The following ENPP1 variants were observed in gnomAD, a reference collection of about 807,000 sequenced individuals.
The protein encoded by ENPP1 is ectonucleotide pyrophosphatase/phosphodiesterase family member 1.
Under a neutral mutation model 122.8 loss-of-function variants are expected in ENPP1, and 73 were observed. The ratio of observed to expected loss-of-function variants is 0.59; its 90% confidence interval spans 0.49 to 0.72. The LOEUF (loss-of-function observed/expected upper bound fraction) is 0.72, where lower values mean the gene tolerates loss of function less well. ENPP1 is among the 30% of genes least tolerant of loss of function. The pLI is 0.00. For synonymous variants in ENPP1, 367 were observed against 391.6 expected (o/e 0.94, Z 0.74); for missense variants, 978 against 1,128.1 (o/e 0.87, Z 1.91).
chr6:131,837,042 C>T (rs71572985), intron 1 of ENPP1, among the ~76,000 whole-genome samples: 1 of 151,986 alleles, frequency 6.6e-6, no homozygotes, highest in African/African-American at 2.4e-5. Flanking sequence ...TAGGGTTCCC[C>T]TCTGTTATGT....
At chr6:131,842,983 AAC>A (rs1781761002) in intron 1 of ENPP1, among the ~76,000 whole-genome samples, 2 of 152,170 alleles carry the variant, frequency 1.3e-5, no homozygotes, top group Admixed American at 1.3e-4. Flanking sequence ...ATATTCCAAA[AAC>A]TTTGCTTTTA....
intron 13 of ENPP1, 84 bp from the exon 14 acceptor site, chr6:131,871,980 AGAGTTT>A (rs1270177993): frequency 1.0e-6 from 1 of 974,798 alleles, no homozygotes; most frequent in Non-Finnish European, 1.6e-6. Flanking sequence ...ATTTAAATGC[AGAGTTT>A]GGATCTGACA....
At chr6:131,835,646 T>A (rs1345361457) in intron 1 of ENPP1, among the ~76,000 whole-genome samples, 1 of 152,074 alleles carries the variant, frequency 6.6e-6, no homozygotes, top group Non-Finnish European at 1.5e-5. Context: ...GCCATGGTGG[T>A]TTCCCGTACA....
At chr6:131,882,193 AAGATGAATATACT>A in intron 20 of ENPP1, 139 bp from the exon 21 acceptor site, 1 of 580,738 alleles carries the variant, frequency 1.7e-6, no homozygotes, top group Non-Finnish European at 3.1e-6. Context: ...GTTAGAAAAA[AAGATGAATATACT>A]AGTAGGAAAA....
At chr6:131,824,381 G>T (rs755336961) in intron 1 of ENPP1, among the ~76,000 whole-genome samples, 1 of 152,080 alleles carries the variant, frequency 6.6e-6, no homozygotes, top group Non-Finnish European at 1.5e-5. Flanking sequence ...GGTGTGCAGC[G>T]CTGAGTGGAG....
In ENPP1 at chr6:131,890,440, CAAAGA is replaced by C. The variant is rs762731863; in HGVS notation, c.2713_2717del (p.Lys905AlafsTer16). 8.3e-5 allele frequency: 134 copies of C among 1,613,554 alleles called. No homozygotes were observed. The highest frequency in any genetic ancestry group is 1.3e-5 in the African/African-American group (1 of 74,920). Reference sequence around the variant, plus strand: ...CATCACTGGACTCAGCTTCTATCAACAAAGAAAAGAGCCAGTTTCAGACATTTTAA... The same window carrying C: ...CATCACTGGACTCAGCTTCTATCAACAAAGAGCCAGTTTCAGACATTTTAA... On this transcript the variant is annotated frameshift_variant, in exon 25 of 25. Coordinates refer to ENST00000647893, the MANE Select transcript of ENPP1 (RefSeq NM_006208.3). LOFTEE classifies it high-confidence loss of function.
intron 1 of ENPP1, among the ~76,000 whole-genome samples, chr6:131,844,463 TAGTC>T: frequency 6.6e-6 from 1 of 152,102 alleles, no homozygotes; most frequent in Admixed American, 6.5e-5. Context: ...AGGCATCTTT[TAGTC>T]AGTTCATGCA....
intron 17 of ENPP1, among the ~76,000 whole-genome samples, chr6:131,876,507 A>G (rs1782231967): frequency 6.6e-6 from 1 of 152,236 alleles, no homozygotes; most frequent in Admixed American, 6.5e-5. Flanking sequence ...GCTGGCATAT[A>G]GTAAGTGCTT....
At chr6:131,862,062 A>C (rs1312258541) in intron 9 of ENPP1, among the ~76,000 whole-genome samples, 1 of 151,984 alleles carries the variant, frequency 6.6e-6, no homozygotes, top group African/African-American at 2.4e-5. Flanking sequence ...CCAGCTACTC[A>C]CAAGGCTGAG....
intron 1 of ENPP1, chr6:131,826,422 G>T: frequency 2.2e-6 from 2 of 916,090 alleles, no homozygotes; most frequent in Non-Finnish European, 3.6e-6. Context: ...GCTGCTCTAG[G>T]TTAGATAATG....
intron 9 of ENPP1, among the ~76,000 whole-genome samples, chr6:131,863,445 C>A (rs1241364293): frequency 6.6e-6 from 1 of 152,098 alleles, no homozygotes; most frequent in Non-Finnish European, 1.5e-5. Flanking sequence ...AAAATCAATA[C>A]AACAATGCAT....
At chr6:131,831,893 A>G (rs1781618764) in intron 1 of ENPP1, among the ~76,000 whole-genome samples, 1 of 152,172 alleles carries the variant, frequency 6.6e-6, no homozygotes, top group Admixed American at 6.5e-5. Context: ...ATGGTGGAGT[A>G]TCTGCATAAA....
chr6:131,877,867 ATATATATATATAT>A (rs1487130322), intron 18 of ENPP1: 9 of 30,668 alleles, frequency 2.9e-4, no homozygotes, highest in Admixed American at 5.4e-4. Flanking sequence ...AAAAAAAAAA[ATATATATATATAT>A]ATATATATAT....
rs771384565 is a variant in ENPP1, at chr6:131,854,922, C to G, written c.618-4C>G. 1 of 1,605,966 alleles carries G rather than the reference C, an allele frequency of 6.2e-7. No homozygotes were observed. The highest frequency in any genetic ancestry group is 1.7e-5 in the Admixed American group (1 of 59,928). ...AACATTTTTTTTTCTTTTTCATTAC[C>G]CAGGTTTGAAACGCCTCCTACCCTC... On this transcript the variant is annotated splice_polypyrimidine_tract_variant and splice_region_variant and intron_variant, in intron 5 of 24. Coordinates refer to ENST00000647893, the MANE Select transcript of ENPP1 (RefSeq NM_006208.3).
rs191093164 is a variant in ENPP1, at chr6:131,837,593, C to A, written c.241-10183C>A. 4.6e-3 allele frequency among the ~76,000 whole-genome samples: 705 copies of A among 151,638 alleles called. 1 individual carries two copies. Among genetic ancestry groups the A allele is most frequent in the Non-Finnish European group, 7.2e-3 (486 of 67,894 alleles). Reference sequence around the variant, plus strand: ...AACCAAAGTTTATAAAATAACTCTTCCATTACTTCTTTACTACTTCCCCTT... The same window carrying A: ...AACCAAAGTTTATAAAATAACTCTTACATTACTTCTTTACTACTTCCCCTT... On this transcript the variant is annotated intron_variant, in intron 1 of 24. Transcript: ENST00000647893.
In ENPP1 at chr6:131,811,382, C is replaced by CTATATCTATATCTATATCTA. The variant is rs1562506269; in HGVS notation, c.240+3111_240+3130dup. The stretch of plus-strand genomic sequence containing the variant: ...TATATCTATATCTATATCTATATAT[C>CTATATCTATATCTATATCTA]TATATCTATATCTATATCTATATCT... On this transcript the variant is annotated intron_variant, in intron 1 of 24. Transcript: ENST00000647893. Among the ~76,000 whole-genome samples the CTATATCTATATCTATATCTA allele has an allele frequency of 7.0e-4, 63 of 90,280 alleles. 1 individual carries two copies. The highest frequency in any genetic ancestry group is 5.1e-3 in the Middle Eastern group (1 of 196). 59.2% of individuals were successfully genotyped at this position (90,280 alleles called of 152,430 possible).
In ENPP1 at chr6:131,829,115, A is replaced by G. The variant is rs148566373; in HGVS notation, c.241-18661A>G. ...GATTCTTGCCTAGGCAGGAAAAACT[A>G]TGTTTTTTGGATAAGATTCATGAGG... On this transcript the variant is annotated intron_variant, in intron 1 of 24. Transcript: ENST00000647893. Among the ~76,000 whole-genome samples, 1,266 of 152,352 alleles carry G rather than the reference A, an allele frequency of 8.3e-3. 21 individuals are homozygous for G. The highest frequency in any genetic ancestry group is 0.029 in the African/African-American group (1,210 of 41,590).
Position 131,808,164 on chromosome 6 carries a change from G to C in ENPP1, c.129G>C (p.Pro43=), listed in dbSNP as rs1321651641. The C allele has an allele frequency of 6.9e-7, 1 of 1,454,726 alleles. No individual in the cohort carries two copies. Among genetic ancestry groups the C allele is most frequent in the Admixed American group, 2.5e-5 (1 of 40,562 alleles). 90.1% of individuals were successfully genotyped at this position (1,454,726 alleles called of 1,614,324 possible). A position where few individuals can be genotyped will look rare whatever the true frequency, so the allele number is the denominator to read the frequency against. Residue 43 remains proline (P), a synonymous_variant, in exon 1 of 25, where the codon CCG becomes CCC. Transcript: ENST00000647893. ...RSHAAEAPGD[P]QAAASLLAPM... ...ACGCTGCCGAGGCGCCCGGGGACCC[G>C]CAGGCGGCCGCGTCCTTGCTGGCCC... is the stretch of plus-strand genomic sequence containing the variant.
At chr6:131,879,535 A>T (rs957792289) in intron 19 of ENPP1, among the ~76,000 whole-genome samples, 8 of 152,188 alleles carry the variant, frequency 5.3e-5, no homozygotes, top group Non-Finnish European at 8.8e-5. Context: ...CATTAAAAAA[A>T]TTTGCTTTCT....
Sources: gnomAD v4.1 joint callset for allele counts (sites outside exome capture counted in the v4.1 genomes callset) on GRCh38, gnomAD v4.1.1 for gene constraint, MANE v1.5 for transcripts, NCBI Gene and HGNC (gene_info 2026-07-23, HGNC 2026-07-21) for gene names.